PALM2AKAP2: variants seen among roughly 807,000 people sequenced by gnomAD.
PALM2AKAP2 encodes the protein PALM2 and AKAP2 fusion, also known as PALM2-AKAP2 fusion protein.
In PALM2AKAP2, 37 loss-of-function variants were observed where a neutral mutation model predicts 71.5. The observed-to-expected ratio is 0.52, with a 90% CI of 0.40 to 0.68. PALM2AKAP2 has a LOEUF of 0.68. Ranked by LOEUF, PALM2AKAP2 falls within the 30% of genes least tolerant of loss-of-function variation. The pLI is 0.00. For synonymous variants in PALM2AKAP2, 468 were observed against 478.8 expected (o/e 0.98, Z 0.29); for missense variants, 1,224 against 1,191.8 (o/e 1.03, Z -0.40).
At chr9:109,643,980 G>GGAGCAA (rs1178080771) in intron 1 of PALM2AKAP2, among the ~76,000 whole-genome samples, 1 of 146,552 alleles carries the variant, frequency 6.8e-6, no homozygotes. Flanking sequence ...GGTGGGAGCA[G>GGAGCAA]GAGCAAGAGC....
chr9:109,802,841 G>T (rs763268844), intron 1 of PALM2AKAP2, among the ~76,000 whole-genome samples: 1 of 152,010 alleles, frequency 6.6e-6, no homozygotes, highest in South Asian at 2.1e-4. Flanking sequence ...AATTTAGATG[G>T]ATCATTAGCC....
intron 1 of PALM2AKAP2, among the ~76,000 whole-genome samples, chr9:109,698,272 A>ATTTTTTTTT (rs774359983): frequency 8.4e-6 from 1 of 118,566 alleles, no homozygotes; most frequent in African/African-American, 3.5e-5. Context: ...TGTGTGCTAC[A>ATTTTTTTTT]TTTTTTTTTT....
intron 1 of PALM2AKAP2, among the ~76,000 whole-genome samples, chr9:110,125,829 G>A (rs984491927): frequency 6.6e-6 from 1 of 151,574 alleles, no homozygotes; most frequent in African/African-American, 2.4e-5. Context: ...TGTGCTAAGA[G>A]GCAAAGAGGA....
At chr9:110,153,182 C>T (rs1836366429) in intron 2 of PALM2AKAP2, among the ~76,000 whole-genome samples, 1 of 152,226 alleles carries the variant, frequency 6.6e-6, no homozygotes, top group Non-Finnish European at 1.5e-5. Context: ...TGTTAAATGG[C>T]TGTCCACTTC....
chr9:109,695,461 C>T, intron 1 of PALM2AKAP2, among the ~76,000 whole-genome samples: 1 of 152,112 alleles, frequency 6.6e-6, no homozygotes, highest in East Asian at 1.9e-4. Flanking sequence ...TCAGCATTGT[C>T]ATTTTTTGTC....
At chr9:109,836,572 A>G (rs542925268) in intron 1 of PALM2AKAP2, among the ~76,000 whole-genome samples, 41 of 152,360 alleles carry the variant, frequency 2.7e-4, no homozygotes, top group Admixed American at 2.4e-3. Flanking sequence ...CAGATGATCA[A>G]ACTTCTCCGA....
At chr9:109,924,053 C>T (rs1830896668) in intron 4 of PALM2AKAP2, among the ~76,000 whole-genome samples, 1 of 152,182 alleles carries the variant, frequency 6.6e-6, no homozygotes, top group Admixed American at 6.5e-5. Flanking sequence ...ACCATCTGGC[C>T]TGCTGCAAGG....
At chr9:109,931,039 T>C (rs1831088669) in intron 5 of PALM2AKAP2, among the ~76,000 whole-genome samples, 1 of 152,252 alleles carries the variant, frequency 6.6e-6, no homozygotes, top group Non-Finnish European at 1.5e-5. Context: ...GATATGGTCG[T>C]GATGCAAGGA....
At chr9:110,017,306 A>C (rs1832999570) in intron 7 of PALM2AKAP2, among the ~76,000 whole-genome samples, 1 of 152,256 alleles carries the variant, frequency 6.6e-6, no homozygotes, top group African/African-American at 2.4e-5. Flanking sequence ...GAAAGCAAGC[A>C]AATGTTACCA....
At chr9:109,756,749 G>A (rs376222664) in intron 1 of PALM2AKAP2, among the ~76,000 whole-genome samples, 146 of 152,188 alleles carry the variant, frequency 9.6e-4, no homozygotes, top group African/African-American at 2.4e-3. Flanking sequence ...CCACCAGTTG[G>A]AATTTCAAGA....
At chr9:109,814,184 A>G (rs1222677387) in intron 1 of PALM2AKAP2, among the ~76,000 whole-genome samples, 1 of 152,234 alleles carries the variant, frequency 6.6e-6, no homozygotes, top group Non-Finnish European at 1.5e-5. Context: ...AGCAAATGCC[A>G]CACAAAAGAA....
chr9:110,014,279 C>G (rs887268533), intron 6 of PALM2AKAP2, among the ~76,000 whole-genome samples: 2 of 151,998 alleles, frequency 1.3e-5, no homozygotes, highest in Non-Finnish European at 2.9e-5. Context: ...ACAAATATTA[C>G]ACAGATAATT....
chr9:110,147,533 A>G (rs1037574239), intron 2 of PALM2AKAP2, among the ~76,000 whole-genome samples: 28 of 152,184 alleles, frequency 1.8e-4, no homozygotes, highest in Admixed American at 1.8e-3. Flanking sequence ...CTTTTGTTTT[A>G]AGAAAAAGCT....
chr9:109,658,813 A>G (rs577686247), intron 1 of PALM2AKAP2, among the ~76,000 whole-genome samples: 31 of 152,356 alleles, frequency 2.0e-4, no homozygotes, highest in Non-Finnish European at 3.2e-4. Context: ...AATCAATTTC[A>G]TTTCAACAGT....
intron 1 of PALM2AKAP2, among the ~76,000 whole-genome samples, chr9:109,677,623 G>A (rs1371962106): frequency 1.3e-5 from 2 of 150,750 alleles, no homozygotes; most frequent in Non-Finnish European, 2.9e-5. Flanking sequence ...AGCAGAGATC[G>A]TGCCACTGCA....
rs559076213 is a variant in PALM2AKAP2, at chr9:109,658,798, T to TA, written c.5+17938dup. On this transcript the variant is annotated intron_variant, in intron 1 of 6. Transcript: ENST00000374531. ...ATGGTTGCTAGATACATGATGAATA[T>TA]AAAAAATCAATTTCATTTCAACAGT... is the stretch of plus-strand genomic sequence containing the variant. Among the ~76,000 whole-genome samples the TA allele has an allele frequency of 1.7e-3, 264 of 152,256 alleles. 3 individuals carry two copies. In the South Asian group the frequency reaches 0.032, roughly 18 times the overall value.
At chr9:109,651,534 C>T (rs543766753) in intron 1 of PALM2AKAP2, among the ~76,000 whole-genome samples, 2 of 152,172 alleles carry the variant, frequency 1.3e-5, no homozygotes, top group African/African-American at 4.8e-5. Context: ...CAGCTGGGAT[C>T]CTAGCTCACA....
At chr9:110,081,976 T>C (rs1055274428) in intron 1 of PALM2AKAP2, among the ~76,000 whole-genome samples, 18 of 152,172 alleles carry the variant, frequency 1.2e-4, no homozygotes, top group Admixed American at 1.3e-4. Context: ...AACCTTTTAA[T>C]GTGTGCAGTC....
chr9:110,078,701 C>T (rs910388950), intron 1 of PALM2AKAP2, among the ~76,000 whole-genome samples: 10 of 152,308 alleles, frequency 6.6e-5, no homozygotes, highest in Non-Finnish European at 1.5e-4. Flanking sequence ...GAAGCTATTT[C>T]ACTTGCACTC....
Sources: allele counts gnomAD v4.1 joint callset (sites outside exome capture counted in the v4.1 genomes callset), GRCh38; gene constraint gnomAD v4.1.1; transcripts MANE v1.5; gene names NCBI Gene and HGNC (gene_info 2026-07-23, HGNC 2026-07-21).